Variants in PTPRD observed in about 807,000 individuals in gnomAD.
The protein encoded by PTPRD is protein tyrosine phosphatase receptor type D.
Under a neutral mutation model 214.5 loss-of-function variants are expected in PTPRD, and 34 were observed. The ratio of observed to expected loss-of-function variants is 0.16; its 90% CI spans 0.12 to 0.21. The LOEUF (loss-of-function observed/expected upper bound fraction) is 0.21. Among genes scored for constraint, PTPRD ranks in the 10% least tolerant of loss-of-function variants. The probability of loss-of-function intolerance (pLI) is 1.00; values close to 1 mark genes in which losing one functional copy is unlikely to be tolerated. For missense variants in PTPRD, 2,545 were observed against 2,398.7 expected (o/e 1.06, Z -1.27); for synonymous variants, 1,128 against 845.7 (o/e 1.33, Z -5.79).
rs927600075 is a variant in PTPRD, at chr9:8,314,973, A to T, written c.*2901T>A. 1 of 232,546 alleles carries T rather than the reference A, an allele frequency of 4.3e-6. No homozygotes were observed. The highest frequency in any genetic ancestry group is 5.6e-5 in the Admixed American group (1 of 17,750). 14.4% of individuals were successfully genotyped at this position (232,546 alleles called of 1,614,324 possible). A position where few individuals can be genotyped will look rare whatever the true frequency, so the allele number is the denominator to read the frequency against. On this transcript the variant is annotated 3_prime_UTR_variant, in exon 46 of 46. Coordinates refer to ENST00000381196, the MANE Select transcript of PTPRD (RefSeq NM_002839.4). ...AGAGCTAAAATAAAGTTCTGTACAA[A>T]TCACTTTTTATATATTTTGATTTTT...
rs997884508 is a variant in PTPRD at position 9,572,683 on chromosome 9, A to ATATG, written c.-237+2045_-237+2048dup. Among the ~76,000 whole-genome samples the ATATG allele has an allele frequency of 5.3e-5, 8 of 150,000 alleles. No homozygotes were observed. In the Admixed American group the frequency reaches 5.4e-4, roughly 10 times the overall value. ...ATATGTATATTATGTATGTATAAACATATGTATGTATAAACATAACCTAAT... is the reference window on the plus strand; with the variant it reads ...ATATGTATATTATGTATGTATAAACATATGTATGTATGTATAAACATAACCTAAT... On this transcript the variant is annotated intron_variant, in intron 8 of 45. Transcript: ENST00000381196.
chr9:10,137,475 C>G (rs1358480484), intron 3 of PTPRD, among the ~76,000 whole-genome samples: 3 of 60,808 alleles, frequency 4.9e-5, no homozygotes, highest in Non-Finnish European at 8.8e-5. Context: ...ACCGCATATT[C>G]TCACTCATAG....
chr9:8,633,894 T>C (rs376600286), intron 13 of PTPRD, among the ~76,000 whole-genome samples: 4 of 152,146 alleles, frequency 2.6e-5, no homozygotes, highest in African/African-American at 2.4e-5. Flanking sequence ...CCACCACAGA[T>C]AGCTCTGCTA....
At chr9:10,201,639 T>A (rs1305181627) in intron 3 of PTPRD, among the ~76,000 whole-genome samples, 3 of 151,982 alleles carry the variant, frequency 2.0e-5, no homozygotes, top group Non-Finnish European at 2.9e-5. Context: ...TATTTCTTGA[T>A]AGACAATTAT....
intron 2 of PTPRD, among the ~76,000 whole-genome samples, chr9:10,518,826 T>C (rs1026608872): frequency 6.6e-5 from 10 of 151,994 alleles, no homozygotes; most frequent in Admixed American, 2.0e-4. Context: ...GCCACCGCGC[T>C]CAGCCTTACA....
chr9:10,493,646 G>C (rs1463814255), intron 2 of PTPRD, among the ~76,000 whole-genome samples: 2 of 152,028 alleles, frequency 1.3e-5, no homozygotes, highest in South Asian at 4.2e-4. Context: ...GACTGTGTTT[G>C]CCTAATACCA....
At chr9:10,145,083 C>A (rs971827178) in intron 3 of PTPRD, among the ~76,000 whole-genome samples, 1 of 151,860 alleles carries the variant, frequency 6.6e-6, no homozygotes, top group African/African-American at 2.4e-5. Flanking sequence ...TATCCCCCCA[C>A]GAAAATATCT....
chr9:10,356,915 A>G (rs1597954680), intron 2 of PTPRD, among the ~76,000 whole-genome samples: 2 of 152,096 alleles, frequency 1.3e-5, no homozygotes, highest in South Asian at 4.2e-4. Flanking sequence ...TCCTGACCTC[A>G]GGTGATCCAC....
chr9:10,317,393 T>C (rs1225645018), intron 3 of PTPRD, among the ~76,000 whole-genome samples: 2 of 152,006 alleles, frequency 1.3e-5, no homozygotes, highest in African/African-American at 4.8e-5. Context: ...AAACTTTCAT[T>C]AGCACATTTA....
intron 14 of PTPRD, among the ~76,000 whole-genome samples, chr9:8,632,766 A>T (rs2096291504): frequency 6.6e-6 from 1 of 152,060 alleles, no homozygotes; most frequent in Admixed American, 6.6e-5. Flanking sequence ...GGGATTTGTC[A>T]GCCCAGTTAT....
intron 10 of PTPRD, among the ~76,000 whole-genome samples, chr9:9,097,627 G>T (rs892523181): frequency 6.6e-5 from 10 of 151,854 alleles, no homozygotes; most frequent in Non-Finnish European, 1.3e-4. Flanking sequence ...AGCCAGGATG[G>T]TCTCAATCTC....
chr9:9,760,803 T>C, intron 6 of PTPRD, among the ~76,000 whole-genome samples: 1 of 152,086 alleles, frequency 6.6e-6, no homozygotes, highest in South Asian at 2.1e-4. Flanking sequence ...ACGTTCAACA[T>C]CAATAGCCAT....
chr9:9,671,281 T>G (rs2096827800), intron 7 of PTPRD, among the ~76,000 whole-genome samples: 1 of 152,142 alleles, frequency 6.6e-6, no homozygotes. Context: ...TTTTGGCCAA[T>G]GTCTCCCACT....
intron 5 of PTPRD, among the ~76,000 whole-genome samples, chr9:9,894,645 C>A (rs1601278083): frequency 1.3e-5 from 2 of 152,108 alleles, no homozygotes; most frequent in South Asian, 4.1e-4. Context: ...GCATGCTTTT[C>A]TTCCTAAGAA....
chr9:9,884,330 C>T (rs921633400), intron 5 of PTPRD, among the ~76,000 whole-genome samples: 1 of 152,174 alleles, frequency 6.6e-6, no homozygotes, highest in East Asian at 1.9e-4. Flanking sequence ...TTTCTTCCTA[C>T]CCTAAAAGCA....
intron 9 of PTPRD, among the ~76,000 whole-genome samples, chr9:9,288,600 A>ATTATAAT (rs1950224150): frequency 6.6e-6 from 1 of 151,928 alleles, no homozygotes; most frequent in Non-Finnish European, 1.5e-5. Context: ...AATTGAATCA[A>ATTATAAT]GGTATCTGTA....
intron 5 of PTPRD, among the ~76,000 whole-genome samples, chr9:9,913,481 C>T (rs1052982872): frequency 6.6e-6 from 1 of 152,030 alleles, no homozygotes; most frequent in African/African-American, 2.4e-5. Context: ...AAGAAAGGAC[C>T]AAGTTAATGA....
chr9:10,395,472 C>G (rs2098150356), intron 2 of PTPRD, among the ~76,000 whole-genome samples: 1 of 151,772 alleles, frequency 6.6e-6, no homozygotes, highest in Admixed American at 6.6e-5. Flanking sequence ...TTATTTCTTT[C>G]AAAATACTAT....
chr9:10,176,055 T>A (rs960686243), intron 3 of PTPRD, among the ~76,000 whole-genome samples: 5 of 152,000 alleles, frequency 3.3e-5, no homozygotes, highest in Admixed American at 3.3e-4. Flanking sequence ...GTTTGGGATA[T>A]TTTCATTTAT....
Sources: gnomAD v4.1 joint callset for allele counts (sites outside exome capture counted in the v4.1 genomes callset) on GRCh38, gnomAD v4.1.1 for gene constraint, MANE v1.5 for transcripts, NCBI Gene and HGNC (gene_info 2026-07-23, HGNC 2026-07-21) for gene names.